The following STX8 variants were observed in gnomAD, a reference collection of about 807,000 sequenced individuals.
STX8 encodes syntaxin 8.
Under a neutral mutation model 37.5 loss-of-function variants are expected in STX8, and 23 were observed. That is an observed-to-expected ratio of 0.61 (90% CI 0.44 to 0.87). The LOEUF (loss-of-function observed/expected upper bound fraction) is 0.87, where lower values mean the gene tolerates loss of function less well. STX8 is among the 40% of genes least tolerant of loss of function. The probability of loss-of-function intolerance (pLI) is 0.00; values close to 1 mark genes in which losing one functional copy is unlikely to be tolerated. For missense variants in STX8, 313 were observed against 284.7 expected (o/e 1.10, Z -0.71); for synonymous variants, 115 against 99.1 (o/e 1.16, Z -0.95).
chr17:9,567,573 G>C (rs76029446), intron 2 of STX8, among the ~76,000 whole-genome samples: 3,958 of 152,278 alleles, frequency 0.026, 177 homozygotes, highest in African/African-American at 0.09. Context: ...ATTTGAATCA[G>C]AGGCTTCTAT....
intron 7 of STX8, chr17:9,273,495 C>G (rs1205426862): frequency 2.6e-5 from 4 of 152,512 alleles, no homozygotes; most frequent in Non-Finnish European, 5.9e-5. Flanking sequence ...CAGCAGGGAC[C>G]CCTCTCCCCA....
intron 6 of STX8, among the ~76,000 whole-genome samples, chr17:9,434,064 C>T (rs769203258): frequency 2.6e-5 from 4 of 152,096 alleles, no homozygotes; most frequent in African/African-American, 7.2e-5. Flanking sequence ...AGTGCACTGG[C>T]GCAATCTCGG....
At chr17:9,410,376 T>C (rs193299706) in intron 6 of STX8, among the ~76,000 whole-genome samples, 11 of 152,352 alleles carry the variant, frequency 7.2e-5, no homozygotes, top group African/African-American at 1.2e-4. Context: ...TTCCTTAACA[T>C]TCATTATCTA....
At chr17:9,458,072 C>A (rs1471805696) in intron 6 of STX8, among the ~76,000 whole-genome samples, 1 of 152,162 alleles carries the variant, frequency 6.6e-6, no homozygotes, top group African/African-American at 2.4e-5. Flanking sequence ...AACCAAGGCT[C>A]GTTTGAATTT....
intron 4 of STX8, among the ~76,000 whole-genome samples, chr17:9,514,187 AAGAAATG>A (rs1905102972): frequency 1.3e-5 from 2 of 152,226 alleles, no homozygotes; most frequent in Non-Finnish European, 2.9e-5. Context: ...TCCCAACACA[AAGAAATG>A]AAAAATGTTT....
At chr17:9,570,180 T>G (rs899449093) in intron 1 of STX8, among the ~76,000 whole-genome samples, 3 of 152,162 alleles carry the variant, frequency 2.0e-5, no homozygotes, top group Admixed American at 2.0e-4. Context: ...ACATATCATT[T>G]GAACACTGAG....
chr17:9,416,178 T>C (rs1913185020), intron 6 of STX8, among the ~76,000 whole-genome samples: 1 of 152,202 alleles, frequency 6.6e-6, no homozygotes, highest in Non-Finnish European at 1.5e-5. Context: ...TTTTAAGTCA[T>C]ACCTTACCTA....
chr17:9,486,770 G>A (rs867452340), intron 6 of STX8, among the ~76,000 whole-genome samples: 1 of 152,058 alleles, frequency 6.6e-6, no homozygotes, highest in Non-Finnish European at 1.5e-5. Flanking sequence ...GAGGTGGGAG[G>A]ATCACTTGAG....
At chr17:9,405,412 A>T (rs1265879295) in intron 6 of STX8, among the ~76,000 whole-genome samples, 2 of 152,290 alleles carry the variant, frequency 1.3e-5, no homozygotes, top group South Asian at 2.1e-4. Flanking sequence ...CCCTACTGGT[A>T]AGGTACTCCC....
At chr17:9,341,254 T>C (rs1157715006) in intron 7 of STX8, among the ~76,000 whole-genome samples, 2 of 151,914 alleles carry the variant, frequency 1.3e-5, no homozygotes, top group East Asian at 3.9e-4. Flanking sequence ...GCTCTCTGGT[T>C]TTGCTTCTCT....
chr17:9,250,800 G>A (rs149801478), intron 7 of STX8, among the ~76,000 whole-genome samples, 155 bp from the exon 8 acceptor site: 111 of 148,106 alleles, frequency 7.5e-4, no homozygotes, highest in East Asian at 3.9e-3. Flanking sequence ...CTGGGGCGCC[G>A]CTGCTGCTAC....
chr17:9,255,720 C>T (rs1906770473), intron 7 of STX8, among the ~76,000 whole-genome samples: 1 of 151,872 alleles, frequency 6.6e-6, no homozygotes, highest in South Asian at 2.1e-4. Context: ...TAAACCCTTT[C>T]AGAGCAAACA....
At position 9,434,096 on chromosome 17, in the gene STX8, C is replaced by A. The variant is rs539616890; in HGVS notation, c.542-55443G>T. Among the ~76,000 whole-genome samples the A allele has an allele frequency of 9.2e-4, 140 of 152,224 alleles. 1 individual carries two copies. Among genetic ancestry groups the A allele is most frequent in the Middle Eastern group, 3.4e-3 (1 of 294 alleles). ...TCGGCTCACTGCAACCTCCGCCTCC[C>A]AGGTTCAAGCAATTCTCCTGCCTCA... On this transcript the variant is annotated intron_variant, in intron 6 of 7. Transcript: ENST00000306357.
In STX8 at chr17:9,272,117, T is replaced by C. The variant is rs544553471; in HGVS notation, c.644-21472A>G. 5.3e-5 allele frequency among the ~76,000 whole-genome samples: 8 copies of C among 152,324 alleles called. No individual in the cohort carries two copies. In the South Asian group the frequency reaches 1.7e-3, roughly 32 times the overall value. On this transcript the variant is annotated intron_variant, in intron 7 of 7. Coordinates refer to ENST00000306357, the MANE Select transcript of STX8 (RefSeq NM_004853.3). ...CAATATCCCTCAGCCTCATTTCCTC[T>C]TGACAAAGACGGTTCTGTTCTGAGG...
At chr17:9,330,044 C>A (rs530736813) in intron 7 of STX8, among the ~76,000 whole-genome samples, 2 of 151,900 alleles carry the variant, frequency 1.3e-5, no homozygotes, top group Non-Finnish European at 2.9e-5. Flanking sequence ...GGCAGAGGTG[C>A]GATACCCTGG....
In STX8 at chr17:9,378,649, T is replaced by A. The variant is rs747239228; in HGVS notation, c.546A>T (p.Ile182=). The A allele has an allele frequency of 1.2e-6, 2 of 1,612,504 alleles. No individual in the cohort carries two copies. Among genetic ancestry groups the A allele is most frequent in the Non-Finnish European group, 1.7e-6 (2 of 1,178,682 alleles). ...CCACTAGGTTGGCAAGGTCGTCAAT[T>A]ATCTCTAGAAAGGAAACATACATGA... is the stretch of plus-strand genomic sequence containing the variant. ...IGNELDEQNE[I]IDDLANLVEN... The change falls in exon 7 of 8, where the codon ATA becomes ATT. Residue 182 remains isoleucine, a synonymous_variant. Transcript: ENST00000306357.
At chr17:9,564,235 G>C (rs4488492) in intron 2 of STX8, among the ~76,000 whole-genome samples, 10,977 of 151,768 alleles carry the variant, frequency 0.072, 481 homozygotes, top group Non-Finnish European at 0.094. Context: ...TGGAAGTCCT[G>C]ACCAGGGCAG....
chr17:9,327,267 GGAAGGAGGAA>G (rs1909797059), intron 7 of STX8, among the ~76,000 whole-genome samples: 1 of 146,530 alleles, frequency 6.8e-6, no homozygotes, highest in African/African-American at 2.6e-5. Flanking sequence ...AGGAGGAGGA[GGAAGGAGGAA>G]GAAGGAAGAA....
chr17:9,526,575 A>C (rs750548703), intron 4 of STX8, among the ~76,000 whole-genome samples: 26 of 152,348 alleles, frequency 1.7e-4, no homozygotes, highest in Admixed American at 3.9e-4. Flanking sequence ...AAGAAAACAC[A>C]AGTTGGAAAC....
Sources: gnomAD v4.1 joint callset for allele counts (sites outside exome capture counted in the v4.1 genomes callset) on GRCh38, gnomAD v4.1.1 for gene constraint, MANE v1.5 for transcripts, NCBI Gene and HGNC (gene_info 2026-07-23, HGNC 2026-07-21) for gene names.